NAV3: variants seen among roughly 807,000 people sequenced by gnomAD.
NAV3 encodes the protein pore membrane and/or filament interacting like protein 1.
NAV3 carries 87 observed loss-of-function variants against 244.7 expected under a neutral mutation model. The observed-to-expected ratio is 0.36, with a 90% CI of 0.30 to 0.42. The LOEUF is 0.42. Ranked by LOEUF, NAV3 falls within the 20% of genes least tolerant of loss-of-function variation. The pLI is 1.00. For synonymous variants in NAV3, 1,126 were observed against 1,042.2 expected (o/e 1.08, Z -1.55); for missense variants, 2,663 against 2,893.3 (o/e 0.92, Z 1.83).
chr12:77,946,548 G>A (rs938270018), intron 3 of NAV3, among the ~76,000 whole-genome samples: 16 of 152,026 alleles, frequency 1.1e-4, no homozygotes, highest in African/African-American at 3.6e-4. Flanking sequence ...TTGGAGCTTA[G>A]TCAACACTAA....
chr12:78,082,036 G>T (rs1042410517), intron 12 of NAV3, among the ~76,000 whole-genome samples: 5 of 152,128 alleles, frequency 3.3e-5, no homozygotes, highest in Admixed American at 6.5e-5. Context: ...TTGAATCATG[G>T]GGACAGGGCT....
chr12:78,175,316 C>A lies in NAV3; in HGVS notation c.4992C>A (p.Ile1664=), dbSNP rs2139647345. 1 of 1,610,798 alleles carries A rather than the reference C, an allele frequency of 6.2e-7. No individual in the cohort carries two copies. Among genetic ancestry groups the A allele is most frequent in the South Asian group, 1.1e-5 (1 of 90,970 alleles). Residue 1664 remains isoleucine, a synonymous_variant, in exon 25 of 40, where the codon ATC becomes ATA. Transcript: ENST00000397909. ...TCCCTCTATTGCTAGATCTTCGCAT[C>A]AGAAGACAGCATTCCTCTGAAAGTG... ...GPDHPPKDLR[I]RRQHSSESVS... is the part of the protein sequence containing the mutation.
At chr12:77,580,187 T>TGAA (rs1869287312) in intron 2 of NAV3, among the ~76,000 whole-genome samples, 1 of 150,428 alleles carries the variant, frequency 6.6e-6, no homozygotes, top group Admixed American at 6.7e-5. Flanking sequence ...CCCCTAAAAG[T>TGAA]GAAGACTTTC....
At chr12:77,911,131 C>T (rs745498023) in intron 1 of NAV3, among the ~76,000 whole-genome samples, 39 of 152,042 alleles carry the variant, frequency 2.6e-4, no homozygotes, top group Non-Finnish European at 7.4e-5. Context: ...TGTGCCATTT[C>T]AACCCAACAT....
At chr12:77,822,771 C>A (rs545048683) in intron 2 of NAV3, among the ~76,000 whole-genome samples, 6 of 151,968 alleles carry the variant, frequency 3.9e-5, no homozygotes, top group African/African-American at 1.5e-4. Flanking sequence ...CTTGTTAGTA[C>A]GAGTCATTTA....
In NAV3 at chr12:77,637,056, T is replaced by A. The variant is rs191210747; in HGVS notation, c.72+64790T>A. ...CCTAATATAGATGATGGGTTGATGG[T>A]TGCAGCAAACCACCATGGCACATGT... On this transcript the variant is annotated intron_variant, in intron 2 of 8. Transcript: ENST00000550042. 2.8e-3 allele frequency among the ~76,000 whole-genome samples: 430 copies of A among 152,146 alleles called. 3 individuals are homozygous for A. Among genetic ancestry groups the A allele is most frequent in the African/African-American group, 0.01 (416 of 41,520 alleles).
Position 78,119,549 on chromosome 12 carries a change from A to G in NAV3, c.3353A>G (p.Gln1118Arg), listed in dbSNP as rs2138617584. The stretch of plus-strand genomic sequence containing the variant: ...AGAAAAACCAGTTTGGACGGTTCAC[A>G]GAATCAGGATGATGTTGTGCTGCAT... ...AGRKTSLDGS[Q>R]NQDDVVLHVS... Residue 1118 changes from glutamine to arginine, a missense_variant, in exon 15 of 40, where the codon CAG becomes CGG. By Grantham distance (43) the Gln-to-Arg change is conservative (BLOSUM62 1). This residue lies in a region of NAV3 where 1,521 missense variants were observed against 1,497.0 expected (regional missense o/e 1.02). Coordinates refer to ENST00000397909, the MANE Select transcript of NAV3 (RefSeq NM_001024383.2). The G allele has an allele frequency of 6.2e-7, 1 of 1,614,232 alleles. No homozygotes were observed. The highest frequency in any genetic ancestry group is 8.5e-7 in the Non-Finnish European group (1 of 1,180,034).
chr12:78,180,138 T>C (rs1309558228), intron 29 of NAV3, among the ~76,000 whole-genome samples: 1 of 152,134 alleles, frequency 6.6e-6, no homozygotes, highest in Non-Finnish European at 1.5e-5. Flanking sequence ...GTAAAAGTGA[T>C]TTAGAATGCC....
At chr12:78,200,288 A>G (rs890220509) in intron 37 of NAV3, among the ~76,000 whole-genome samples, 185 bp from the exon 38 acceptor site, 8 of 152,110 alleles carry the variant, frequency 5.3e-5, no homozygotes, top group African/African-American at 1.9e-4. Context: ...TTTATTGTAA[A>G]AAGATAGAAT....
exon 2 of NAV3, chr12:77,571,913 A>C (rs953093208): frequency 3.9e-5 from 6 of 152,204 alleles, no homozygotes; most frequent in African/African-American, 1.4e-4. Flanking sequence ...AAGAAAGAAA[A>C]AGATAGCAGT....
intron 2 of NAV3, among the ~76,000 whole-genome samples, chr12:77,626,446 A>G (rs896758495): frequency 6.6e-6 from 1 of 152,174 alleles, no homozygotes; most frequent in Non-Finnish European, 1.5e-5. Context: ...ATCCAAATAC[A>G]GGAAGTTCAA....
intron 2 of NAV3, among the ~76,000 whole-genome samples, chr12:77,709,282 A>C (rs1875988735): frequency 6.6e-6 from 1 of 152,336 alleles, no homozygotes; most frequent in Admixed American, 6.5e-5. Flanking sequence ...TCAATAAATT[A>C]GGTATTGATG....
chr12:78,104,820 G>T (rs891596810), intron 12 of NAV3, among the ~76,000 whole-genome samples: 1 of 152,034 alleles, frequency 6.6e-6, no homozygotes, highest in Non-Finnish European at 1.5e-5. Context: ...CTTAAATGTT[G>T]CATAAATAAA....
In NAV3 at chr12:78,119,774, C is replaced by G. The variant is rs752610724; in HGVS notation, c.3578C>G (p.Thr1193Ser). ...GGGTCAGGGCGCTCGAGTCCTGTCA[C>G]CGTCAACCAAACAGACAAGGAAAAG... is the stretch of plus-strand genomic sequence containing the variant. The part of the protein sequence containing the change: ...KIGSGRSSPV[T>S]VNQTDKEKEK... The change falls in exon 15 of 40, where the codon ACC becomes AGC. Residue 1193 changes from threonine to serine, a missense_variant. Physicochemically the swap from Thr to Ser is moderately conservative, Grantham distance 58. Around this residue, in one of 6 missense-constraint regions of NAV3, gnomAD observed 1,521 missense variants for 1,497.0 expected, o/e 1.02. Transcript: ENST00000397909. 1.2e-6 allele frequency: 2 copies of G among 1,614,046 alleles called. No individual in the cohort carries two copies. The highest frequency in any genetic ancestry group is 2.2e-5 in the South Asian group (2 of 91,054).
intron 2 of NAV3, among the ~76,000 whole-genome samples, chr12:77,687,417 G>A (rs1874806686): frequency 6.6e-6 from 1 of 152,022 alleles, no homozygotes; most frequent in South Asian, 2.1e-4. Flanking sequence ...GAGTCCTTAA[G>A]TATACACTTG....
intron 3 of NAV3, among the ~76,000 whole-genome samples, chr12:77,951,184 A>G (rs1890837035): frequency 6.6e-6 from 1 of 152,228 alleles, no homozygotes; most frequent in Non-Finnish European, 1.5e-5. Context: ...ACAAAGGGCT[A>G]ATATCCAGAA....
intron 1 of NAV3, among the ~76,000 whole-genome samples, chr12:77,938,737 G>A (rs1889573203): frequency 6.6e-6 from 1 of 152,004 alleles, no homozygotes; most frequent in Non-Finnish European, 1.5e-5. Context: ...TGCAACTTTA[G>A]ATATAATAGA....
At chr12:77,855,329 A>G (rs1213574045) in intron 1 of NAV3, among the ~76,000 whole-genome samples, 1 of 152,164 alleles carries the variant, frequency 6.6e-6, no homozygotes, top group East Asian at 1.9e-4. Flanking sequence ...TATTGTCTGA[A>G]ATCAAAATTC....
intron 1 of NAV3, among the ~76,000 whole-genome samples, chr12:77,842,159 A>G (rs769100936): frequency 1.2e-4 from 19 of 152,346 alleles, no homozygotes; most frequent in Middle Eastern, 3.4e-3. Flanking sequence ...AAAACACTGA[A>G]TAAGAGAAGA....
Sources: allele counts gnomAD v4.1 joint callset (sites outside exome capture counted in the v4.1 genomes callset), GRCh38; gene constraint gnomAD v4.1.1; regional missense constraint gnomAD v4.1.1; transcripts MANE v1.5; gene names NCBI Gene and HGNC (gene_info 2026-07-23, HGNC 2026-07-21).